Variants in GRIP1 observed in about 807,000 individuals in gnomAD.
The protein encoded by GRIP1 is glutamate receptor interacting protein 1.
In GRIP1, 45 loss-of-function variants were observed where a neutral mutation model predicts 129.9. That is an observed-to-expected ratio of 0.35 (90% CI 0.27 to 0.44). The LOEUF (loss-of-function observed/expected upper bound fraction) is 0.44, where lower values mean the gene tolerates loss of function less well. Among genes scored for constraint, GRIP1 ranks in the 20% least tolerant of loss-of-function variants. The pLI, the probability that GRIP1 is intolerant of heterozygous loss-of-function variation, is 1.00. For synonymous variants in GRIP1, 530 were observed against 520.8 expected, an observed-to-expected ratio of 1.02 and a Z score of -0.24; for missense variants, 1,196 against 1,396.8, an observed-to-expected ratio of 0.86 and a Z score of 2.29.
chr12:66,395,710 C>T (rs772236608), intron 16 of GRIP1, among the ~76,000 whole-genome samples: 7 of 152,160 alleles, frequency 4.6e-5, no homozygotes, highest in Non-Finnish European at 7.3e-5. Flanking sequence ...AAAGACCATC[C>T]ACCACACACT....
chr12:66,425,000 G>A (rs189936165), intron 14 of GRIP1, among the ~76,000 whole-genome samples: 40 of 151,984 alleles, frequency 2.6e-4, no homozygotes, highest in Admixed American at 1.9e-3. Context: ...AACTCTCCCT[G>A]TTTCTGGCTT....
chr12:66,520,877 T>C (rs974147107), intron 5 of GRIP1, among the ~76,000 whole-genome samples: 5 of 152,250 alleles, frequency 3.3e-5, no homozygotes, highest in Admixed American at 6.5e-5. Flanking sequence ...AGGCTATGTA[T>C]GCATGTGATT....
At chr12:66,502,159 T>C (rs964717137) in intron 7 of GRIP1, among the ~76,000 whole-genome samples, 1 of 152,202 alleles carries the variant, frequency 6.6e-6, no homozygotes, top group Admixed American at 6.5e-5. Flanking sequence ...ATAGTGGAGC[T>C]GGAAGGACCT....
rs143046399 is a variant in GRIP1 at position 66,770,965 on chromosome 12, C to T, written c.-420+33088G>A. Among the ~76,000 whole-genome samples the T allele has an allele frequency of 4.1e-3, 624 of 152,100 alleles. 2 individuals are homozygous for T. Among genetic ancestry groups the T allele is most frequent in the African/African-American group, 0.014 (601 of 41,490 alleles). The stretch of plus-strand genomic sequence containing the variant: ...AACAAATTAGCCAGGCATGGTGGTG[C>T]GCCTGTAATCCCAGCTACTCGGGAG... On this transcript the variant is annotated intron_variant, in intron 1 of 4. Transcript: ENST00000538373.
At chr12:66,356,041 C>T (rs1291368137) in intron 23 of GRIP1, among the ~76,000 whole-genome samples, 1 of 152,272 alleles carries the variant, frequency 6.6e-6, no homozygotes, top group African/African-American at 2.4e-5. Context: ...GCTCCAAGGT[C>T]GACACTGTGT....
intron 7 of GRIP1, among the ~76,000 whole-genome samples, chr12:66,509,614 G>A (rs1276413741): frequency 6.6e-6 from 1 of 152,170 alleles, no homozygotes; most frequent in Non-Finnish European, 1.5e-5. Flanking sequence ...ATATTATGCA[G>A]CCATAAAAAG....
chr12:66,406,277 C>T lies in GRIP1; in HGVS notation c.1984+6G>A. ...AATCAGTTTTAACTAAGGATGCTCT[C>T]AATACCTGAATTATCTTCATCTTTG... On this transcript the variant is annotated splice_donor_region_variant and intron_variant, in intron 16 of 24. Transcript: ENST00000359742. 1.2e-6 allele frequency: 2 copies of T among 1,614,056 alleles called. No individual in the cohort carries two copies. The highest frequency in any genetic ancestry group is 1.7e-6 in the Non-Finnish European group (2 of 1,179,890).
At chr12:66,844,713 C>G (rs886967987) in intron 1 of GRIP1, among the ~76,000 whole-genome samples, 5 of 152,162 alleles carry the variant, frequency 3.3e-5, no homozygotes, top group Non-Finnish European at 7.3e-5. Flanking sequence ...AAATGTCCAT[C>G]AATGGATGAA....
At chr12:66,850,662 A>C (rs959554736) in intron 1 of GRIP1, among the ~76,000 whole-genome samples, 8 of 152,036 alleles carry the variant, frequency 5.3e-5, no homozygotes, top group Non-Finnish European at 1.0e-4. Flanking sequence ...CACTCCTACA[A>C]GGGGCACTAC....
chr12:67,028,727 G>C (rs899022082), intron 1 of GRIP1, among the ~76,000 whole-genome samples: 2 of 152,124 alleles, frequency 1.3e-5, no homozygotes, highest in African/African-American at 4.8e-5. Context: ...CAGACAGCAA[G>C]GAGTACTCAG....
At chr12:66,995,569 G>A (rs1487903750) in intron 1 of GRIP1, among the ~76,000 whole-genome samples, 1 of 151,868 alleles carries the variant, frequency 6.6e-6, no homozygotes, top group Non-Finnish European at 1.5e-5. Context: ...TTCATAAATG[G>A]CAAATGGCTA....
chr12:67,000,556 C>T (rs1286657570), intron 1 of GRIP1, among the ~76,000 whole-genome samples: 1 of 152,198 alleles, frequency 6.6e-6, no homozygotes, highest in East Asian at 1.9e-4. Context: ...AAACTTCCAT[C>T]CATGTTAGCT....
intron 1 of GRIP1, among the ~76,000 whole-genome samples, chr12:67,017,147 T>C (rs1169863874): frequency 6.6e-6 from 1 of 152,128 alleles, no homozygotes; most frequent in Non-Finnish European, 1.5e-5. Context: ...GCACTCAAAA[T>C]ACTAGGAAGA....
intron 1 of GRIP1, among the ~76,000 whole-genome samples, chr12:67,060,257 T>G (rs1391121316): frequency 6.6e-6 from 1 of 152,180 alleles, no homozygotes; most frequent in East Asian, 1.9e-4. Context: ...CAAACCAAGA[T>G]TCCCTAAGAG....
intron 1 of GRIP1, among the ~76,000 whole-genome samples, chr12:67,044,854 C>T (rs542308339): frequency 6.6e-6 from 1 of 152,290 alleles, no homozygotes; most frequent in African/African-American, 2.4e-5. Flanking sequence ...ACTGAAATAG[C>T]CAGCACTATA....
intron 2 of GRIP1, among the ~76,000 whole-genome samples, chr12:66,564,309 A>T (rs1367883307): frequency 8.3e-6 from 1 of 120,462 alleles, no homozygotes; most frequent in African/African-American, 3.3e-5. Flanking sequence ...CCGGTGTGTG[A>T]TGTTCCCTAC....
chr12:67,062,148 T>C (rs1194898231), intron 1 of GRIP1, among the ~76,000 whole-genome samples: 3 of 152,192 alleles, frequency 2.0e-5, no homozygotes, highest in Non-Finnish European at 4.4e-5. Context: ...AATCTGATCC[T>C]GACACTCCTC....
At chr12:66,807,711 G>T (rs2039022171), upstream of GRIP1, among the ~76,000 whole-genome samples, 1 of 151,976 alleles carries the variant, frequency 6.6e-6, no homozygotes, top group South Asian at 2.1e-4. Flanking sequence ...CTCTGGTCAA[G>T]TGAGATGCTC....
intron 5 of GRIP1, among the ~76,000 whole-genome samples, chr12:66,526,311 G>A (rs2061238194): frequency 6.6e-6 from 1 of 152,084 alleles, no homozygotes; most frequent in African/African-American, 2.4e-5. Flanking sequence ...AAACAGCATG[G>A]TACTGGTACA....
Sources: allele counts gnomAD v4.1 joint callset (sites outside exome capture counted in the v4.1 genomes callset), GRCh38; gene constraint gnomAD v4.1.1; transcripts MANE v1.5; gene names NCBI Gene and HGNC (gene_info 2026-07-23, HGNC 2026-07-21).